The following SCARB1 variants were observed in gnomAD, a reference collection of about 807,000 sequenced individuals.
The protein encoded by SCARB1 is CD36 and LIMPII analogous 1.
Under a neutral mutation model 57.2 loss-of-function variants are expected in SCARB1, and 30 were observed. That is an observed-to-expected ratio of 0.52 (90% CI 0.39 to 0.71). SCARB1 has a LOEUF of 0.71. SCARB1 is among the 30% of genes least tolerant of loss of function. SCARB1 has a pLI of 0.00. For missense variants in SCARB1, 543 were observed against 671.2 expected, an observed-to-expected ratio of 0.81 and a Z score of 2.11; for synonymous variants, 249 against 268.3, an observed-to-expected ratio of 0.93 and a Z score of 0.70.
Position 124,800,022 on chromosome 12 carries a change from C to A in SCARB1, c.1128+102G>T. 2 of 890,442 alleles carry A rather than the reference C, an allele frequency of 2.2e-6. No homozygotes were observed. Among genetic ancestry groups the A allele is most frequent in the Non-Finnish European group, 3.8e-6 (2 of 529,882 alleles). The allele number at this position is 890,442 out of a possible 1,614,324, so 55.2% of individuals were successfully genotyped here. On this transcript the variant is annotated intron_variant, in intron 8 of 12. Transcript: ENST00000261693. The surrounding 1 kb of genome is among the most constrained non-coding windows in gnomAD (Gnocchi z 4.8). The stretch of plus-strand genomic sequence containing the variant: ...AGATTCTAGAAGCCAGGCTTCCCAC[C>A]ACCCCAGCCCACAGCAGCTCTCTGC...
chr12:124,841,328 C>A (rs541292163), intron 1 of SCARB1, among the ~76,000 whole-genome samples: 1 of 150,132 alleles, frequency 6.7e-6, no homozygotes, highest in East Asian at 2.0e-4. Context: ...GCGGAGATTG[C>A]GCCACTGCAC....
intron 1 of SCARB1, among the ~76,000 whole-genome samples, chr12:124,836,342 G>A (rs976220049): frequency 3.9e-5 from 6 of 152,198 alleles, no homozygotes; most frequent in African/African-American, 1.2e-4. Context: ...GGCAGAGCAC[G>A]ATGTTCTGAA....
chr12:124,844,983 G>C (rs571924796), intron 1 of SCARB1, among the ~76,000 whole-genome samples: 1 of 152,038 alleles, frequency 6.6e-6, no homozygotes, highest in East Asian at 1.9e-4. Flanking sequence ...CAGGAGGCAG[G>C]GCCGGGATCT....
chr12:124,804,502 A>G (rs1459444040), intron 7 of SCARB1, among the ~76,000 whole-genome samples: 2 of 152,250 alleles, frequency 1.3e-5, no homozygotes, highest in Non-Finnish European at 2.9e-5. Flanking sequence ...GGTGGAGTCC[A>G]GCATCTGCCA....
intron 2 of SCARB1, among the ~76,000 whole-genome samples, chr12:124,816,781 G>A (rs962991677): frequency 5.9e-5 from 9 of 152,098 alleles, no homozygotes; most frequent in African/African-American, 2.2e-4. Flanking sequence ...GTGTCCCGGT[G>A]ACCCCATGAA....
chr12:124,815,175 C>G, intron 2 of SCARB1, 61 bp from the exon 3 acceptor site: 3 of 1,589,354 alleles, frequency 1.9e-6, no homozygotes, highest in Non-Finnish European at 2.6e-6. Context: ...TTCCCTTCTA[C>G]TCGCCTGCAA....
chr12:124,817,052 G>A lies in SCARB1; in HGVS notation c.284+498C>T, dbSNP rs948192588. On this transcript the variant is annotated intron_variant, in intron 2 of 12. Coordinates refer to ENST00000261693, the MANE Select transcript of SCARB1 (RefSeq NM_005505.5). The surrounding 1 kb of genome is among the most constrained non-coding windows in gnomAD (Gnocchi z 4.8). Reference sequence around the variant, plus strand: ...TGTGTGTGTGTGTGTGTGTGTGTATGTGTGTATGCATGTGTAGGTACATGT... The same window carrying A: ...TGTGTGTGTGTGTGTGTGTGTGTATATGTGTATGCATGTGTAGGTACATGT... 5.4e-5 allele frequency among the ~76,000 whole-genome samples: 8 copies of A among 149,412 alleles called. No homozygotes were observed. The highest frequency in any genetic ancestry group is 3.0e-5 in the Non-Finnish European group (2 of 67,750).
At chr12:124,819,912 C>T (rs1950882193) in intron 1 of SCARB1, among the ~76,000 whole-genome samples, 1 of 152,254 alleles carries the variant, frequency 6.6e-6, no homozygotes, top group East Asian at 1.9e-4. Flanking sequence ...GAGCTAGTGA[C>T]ACTGTAGCTA....
At chr12:124,816,590 G>A (rs985812727) in intron 2 of SCARB1, among the ~76,000 whole-genome samples, 4 of 152,108 alleles carry the variant, frequency 2.6e-5, no homozygotes, top group Admixed American at 2.0e-4. Context: ...CTCCAACAGC[G>A]GGAACACCCT....
intron 9 of SCARB1, among the ~76,000 whole-genome samples, chr12:124,794,337 T>C (rs1481240508): frequency 6.6e-6 from 1 of 152,066 alleles, no homozygotes; most frequent in Non-Finnish European, 1.5e-5. Context: ...GTACATGCAT[T>C]ATATTTGCAT....
intron 1 of SCARB1, among the ~76,000 whole-genome samples, chr12:124,857,609 G>A (rs965681225): frequency 3.5e-4 from 53 of 152,310 alleles, no homozygotes; most frequent in Admixed American, 1.5e-3. Context: ...TATGGCCCTC[G>A]GGGACGCTGC....
At chr12:124,786,042 C>T (rs1949499820) in intron 11 of SCARB1, 2 of 1,502,068 alleles carry the variant, frequency 1.3e-6, no homozygotes, top group Non-Finnish European at 1.8e-6. Context: ...CAGAACCTGG[C>T]ATCCCCGGGT....
Position 124,815,284 on chromosome 12 carries a change from C to T in SCARB1, c.285-170G>A, listed in dbSNP as rs4765615. ...CCTTCGCCAAGTCTGTCCCTCCCGC[C>T]GCCTGCCCACTGCAGGACATGGTGT... On this transcript the variant is annotated intron_variant, in intron 2 of 12. Transcript: ENST00000261693. Among the ~76,000 whole-genome samples, 73,898 of 152,050 alleles carry T rather than the reference C, an allele frequency of 0.49. 18,099 individuals are homozygous for T. The highest frequency in any genetic ancestry group is 0.51 in the Non-Finnish European group (34,843 of 67,970).
chr12:124,823,648 GA>G (rs1204287674), intron 1 of SCARB1, among the ~76,000 whole-genome samples: 1 of 152,102 alleles, frequency 6.6e-6, no homozygotes, highest in African/African-American at 2.4e-5. Flanking sequence ...AAGAAGAACT[GA>G]AAATGGGTGT....
rs762206116 is a variant in SCARB1, at chr12:124,796,554, G to A, written c.1129-1286C>T. Among the ~76,000 whole-genome samples the A allele has an allele frequency of 1.6e-4, 25 of 152,138 alleles. No individual in the cohort carries two copies. The highest frequency in any genetic ancestry group is 5.6e-4 in the African/African-American group (23 of 41,416). On this transcript the variant is annotated intron_variant, in intron 8 of 12. Transcript: ENST00000261693. This position sits in a 1 kb window ranked among gnomAD's most constrained non-coding sequence, Gnocchi z 4.0. ...AGTTGGTTCTTCTTAACTGAGAGTC[G>A]CGTCCTCATCTGTAAAACAGAGAGA...
intron 2 of SCARB1, among the ~76,000 whole-genome samples, chr12:124,815,540 G>A (rs1950678946): frequency 6.6e-6 from 1 of 152,224 alleles, no homozygotes; most frequent in Non-Finnish European, 1.5e-5. Flanking sequence ...ATCTCTCCAA[G>A]CCACTCTCCA....
Position 124,793,609 on chromosome 12 carries a change from C to T in SCARB1, c.1202+1586G>A, listed in dbSNP as rs1168831925. Among the ~76,000 whole-genome samples, 3 of 148,492 alleles carry T rather than the reference C, an allele frequency of 2.0e-5. No homozygotes were observed. In the East Asian group the frequency reaches 6.0e-4, roughly 30 times the overall value. On this transcript the variant is annotated intron_variant, in intron 9 of 12. Transcript: ENST00000261693. The stretch of plus-strand genomic sequence containing the variant: ...TTGGGAGGCTGAGGCAGGAGAATGG[C>T]GTGAACCCAGGAGGCGGAGCTTGCA...
At chr12:124,790,888 C>T (rs1198868788) in intron 9 of SCARB1, among the ~76,000 whole-genome samples, 1 of 152,240 alleles carries the variant, frequency 6.6e-6, no homozygotes, top group Non-Finnish European at 1.5e-5. Context: ...GAGCTGGCGT[C>T]TGGGAGCCTG....
chr12:124,853,984 G>A (rs1952532454), intron 1 of SCARB1, among the ~76,000 whole-genome samples: 1 of 152,194 alleles, frequency 6.6e-6, no homozygotes, highest in Admixed American at 6.5e-5. Flanking sequence ...GCTAGGCATC[G>A]TTCCAGGGGC....
Sources: gnomAD v4.1 joint callset for allele counts (sites outside exome capture counted in the v4.1 genomes callset) on GRCh38, gnomAD v4.1.1 for gene constraint, Gnocchi (gnomAD v3.1) non-coding constraint, MANE v1.5 for transcripts, NCBI Gene and HGNC (gene_info 2026-07-23, HGNC 2026-07-21) for gene names.